CRB1: variants seen among roughly 807,000 people sequenced by gnomAD.
CRB1 encodes the protein protein crumbs homolog 1.
CRB1 carries 83 observed loss-of-function variants against 120.0 expected under a neutral mutation model. That is an observed-to-expected ratio of 0.69 (90% CI 0.58 to 0.83). The LOEUF (loss-of-function observed/expected upper bound fraction) is 0.83, where lower values mean the gene tolerates loss of function less well. Ranked by LOEUF, CRB1 falls within the 40% of genes least tolerant of loss-of-function variation. CRB1 has a pLI of 0.00. For synonymous variants in CRB1, 625 were observed against 612.5 expected (o/e 1.02, Z -0.30); for missense variants, 1,699 against 1,687.6 (o/e 1.01, Z -0.12).
At chr1:197,390,133 T>C (rs1459447065) in intron 5 of CRB1, among the ~76,000 whole-genome samples, 1 of 124,298 alleles carries the variant, frequency 8.0e-6, no homozygotes, top group Non-Finnish European at 1.6e-5. Flanking sequence ...AGCTTCTGCT[T>C]CCTGAAAGAA....
chr1:197,469,639 A>G (rs1666896917), intron 11 of CRB1, among the ~76,000 whole-genome samples: 1 of 152,218 alleles, frequency 6.6e-6, no homozygotes, highest in Admixed American at 6.5e-5. Flanking sequence ...AAAGAAAAAA[A>G]AGGGAGAGAA....
intron 2 of CRB1, among the ~76,000 whole-genome samples, chr1:197,341,540 G>GA (rs67959340): frequency 0.09 from 13,215 of 146,856 alleles, 1,711 homozygotes; most frequent in East Asian, 0.68. Context: ...CTCCATCTCA[G>GA]AAAAAAAAAA....
chr1:197,361,760 G>A (rs1660781192), intron 5 of CRB1, among the ~76,000 whole-genome samples: 2 of 150,384 alleles, frequency 1.3e-5, no homozygotes, highest in African/African-American at 4.9e-5. Flanking sequence ...CAATTTTACT[G>A]ATTTTTTTTA....
At chr1:197,347,642 T>G (rs1659854574) in intron 4 of CRB1, among the ~76,000 whole-genome samples, 163 bp downstream of exon 4, 1 of 152,250 alleles carries the variant, frequency 6.6e-6, no homozygotes, top group African/African-American at 2.4e-5. Flanking sequence ...ACATATTTAC[T>G]GCTATACTAA....
chr1:197,461,040 C>T (rs1648684632), intron 11 of CRB1, among the ~76,000 whole-genome samples: 1 of 152,122 alleles, frequency 6.6e-6, no homozygotes, highest in South Asian at 2.1e-4. Flanking sequence ...TAAAGATAAT[C>T]ACAGCTGGCA....
At chr1:197,298,744 T>A (rs1656687726) in intron 1 of CRB1, among the ~76,000 whole-genome samples, 1 of 152,104 alleles carries the variant, frequency 6.6e-6, no homozygotes, top group Non-Finnish European at 1.5e-5. Flanking sequence ...TGGAAAATTA[T>A]ACATAAGAGA....
At chr1:197,202,040 C>T in the CRB1 span, among the ~76,000 whole-genome samples, 1 of 152,096 alleles carries the variant, frequency 6.6e-6, no homozygotes, top group African/African-American at 2.4e-5. Context: ...TCTGCGGACT[C>T]GTATTATGAA....
intron 2 of CRB1, among the ~76,000 whole-genome samples, chr1:197,342,549 A>G (rs1659529987): frequency 1.3e-5 from 2 of 152,020 alleles, no homozygotes; most frequent in Non-Finnish European, 2.9e-5. Context: ...GGCTTTTTCT[A>G]CATTAATTGT....
intron 5 of CRB1, among the ~76,000 whole-genome samples, chr1:197,365,326 G>A (rs754105246): frequency 1.1e-4 from 16 of 152,200 alleles, no homozygotes; most frequent in African/African-American, 3.1e-4. Context: ...CATTTCCTAG[G>A]CTGAATACCT....
At chr1:197,229,219 TC>T in the CRB1 span, among the ~76,000 whole-genome samples, 4 of 152,204 alleles carry the variant, frequency 2.6e-5, no homozygotes. Flanking sequence ...TCGTAGTAGC[TC>T]AAACTGACAG....
intron 5 of CRB1, among the ~76,000 whole-genome samples, chr1:197,409,213 G>A (rs1188537558): frequency 6.6e-6 from 1 of 152,116 alleles, no homozygotes; most frequent in Non-Finnish European, 1.5e-5. Context: ...ACAATTCCAT[G>A]CTATACGCTG....
intron 11 of CRB1, among the ~76,000 whole-genome samples, chr1:197,451,107 C>A (rs557550453): frequency 6.6e-6 from 1 of 152,256 alleles, no homozygotes; most frequent in South Asian, 2.1e-4. Flanking sequence ...AAACAGGACT[C>A]CCATCCCTGG....
intron 1 of CRB1, among the ~76,000 whole-genome samples, chr1:197,301,245 A>G (rs1656844377): frequency 6.6e-6 from 1 of 151,872 alleles, no homozygotes; most frequent in Non-Finnish European, 1.5e-5. Context: ...GGCTCACTGC[A>G]ACCTCTGCCT....
chr1:197,326,160 C>A (rs1274352388), intron 1 of CRB1, among the ~76,000 whole-genome samples: 1 of 152,018 alleles, frequency 6.6e-6, no homozygotes, highest in South Asian at 2.1e-4. Context: ...AGAGCTATGG[C>A]TTTGACAGTT....
In CRB1 at chr1:197,442,307, C is replaced by A; in HGVS notation, c.4005+15C>A. 6.2e-7 allele frequency: 1 copy of A among 1,614,122 alleles called. No homozygotes were observed. The highest frequency in any genetic ancestry group is 8.5e-7 in the Non-Finnish European group (1 of 1,180,028). On this transcript the variant is annotated intron_variant, in intron 11 of 11. Coordinates refer to ENST00000367400, the MANE Select transcript of CRB1 (RefSeq NM_201253.3). The stretch of plus-strand genomic sequence containing the variant: ...GCGAGGTGGACGTAAGCAGCCTCTC[C>A]TTTTATGTCTCTCTCTTATTCTGGC...
At position 197,398,390 on chromosome 1, in the gene CRB1, A is replaced by G. The variant is rs11808659; in HGVS notation, c.1172-22610A>G. Among the ~76,000 whole-genome samples the G allele has an allele frequency of 5.4e-3, 818 of 152,280 alleles. 9 individuals are homozygous for G. Among genetic ancestry groups the G allele is most frequent in the African/African-American group, 0.018 (764 of 41,562 alleles). ...GGGCATCACTTTTGTATTTTAGGGT[A>G]TTTACCTTTGTATCAATTGGAAGAT... On this transcript the variant is annotated intron_variant, in intron 5 of 11. Transcript: ENST00000367400.
At chr1:197,203,322 CT>C in the CRB1 span, among the ~76,000 whole-genome samples, 2 of 151,248 alleles carry the variant, frequency 1.3e-5, no homozygotes, top group African/African-American at 2.4e-5. Context: ...CATTACTTGA[CT>C]TTTTTTTTCT....
intron 5 of CRB1, among the ~76,000 whole-genome samples, chr1:197,417,968 A>T (rs1385666166): frequency 1.3e-5 from 2 of 151,560 alleles, no homozygotes; most frequent in South Asian, 2.1e-4. Context: ...GACCATTCTT[A>T]TTGCTTTGTT....
In CRB1 at chr1:197,398,310, T is replaced by G. The variant is rs552151951; in HGVS notation, c.1172-22690T>G. On this transcript the variant is annotated intron_variant, in intron 5 of 11. Transcript: ENST00000367400. ...CCCATATTTAGAATACCTTTCTCAT[T>G]TTCTATTTACTTATGACTCGTTTGT... is the stretch of plus-strand genomic sequence containing the variant. Among the ~76,000 whole-genome samples the G allele has an allele frequency of 2.0e-5, 3 of 152,282 alleles. No homozygotes were observed. The East Asian group carries it at 5.8e-4, about 29-fold the overall frequency.
Sources: gnomAD v4.1 joint callset for allele counts (sites outside exome capture counted in the v4.1 genomes callset) on GRCh38, gnomAD v4.1.1 for gene constraint, MANE v1.5 for transcripts, NCBI Gene and HGNC (gene_info 2026-07-23, HGNC 2026-07-21) for gene names.